MAGI1: variants seen among roughly 807,000 people sequenced by gnomAD.
The protein encoded by MAGI1 is membrane associated guanylate kinase, WW and PDZ domain containing 1.
Under a neutral mutation model 139.9 loss-of-function variants are expected in MAGI1, and 58 were observed. That is an observed-to-expected ratio of 0.41 (90% CI 0.34 to 0.52). The LOEUF is 0.52. MAGI1 is among the 20% of genes least tolerant of loss of function. The pLI is 0.12. For synonymous variants in MAGI1, 812 were observed against 737.9 expected (o/e 1.10, Z -1.63); for missense variants, 1,874 against 1,901.6 (o/e 0.99, Z 0.27).
chr3:65,582,779 T>TAA (rs1357471423), intron 2 of MAGI1, among the ~76,000 whole-genome samples: 2 of 152,120 alleles, frequency 1.3e-5, no homozygotes, highest in African/African-American at 2.4e-5. Flanking sequence ...CCATGACTGT[T>TAA]AAAGGTTTTG....
At chr3:65,741,486 T>TA (rs1164800891) in intron 1 of MAGI1, among the ~76,000 whole-genome samples, 1 of 152,230 alleles carries the variant, frequency 6.6e-6, no homozygotes, top group African/African-American at 2.4e-5. Flanking sequence ...TTGCTTTATT[T>TA]ATTAAGCTAC....
intron 1 of MAGI1, among the ~76,000 whole-genome samples, chr3:66,006,828 TTTG>T (rs1271066882): frequency 4.0e-5 from 6 of 150,854 alleles, no homozygotes; most frequent in Non-Finnish European, 7.4e-5. Context: ...TTTGTTTTGT[TTTG>T]TTTTGTTTTG....
chr3:65,453,122 G>A, intron 6 of MAGI1, 136 bp downstream of exon 6: 1 of 723,538 alleles, frequency 1.4e-6, no homozygotes. Context: ...GTAAACCACA[G>A]TCCATTTAGC....
chr3:65,677,928 CCCAT>C (rs2087303527), intron 1 of MAGI1, among the ~76,000 whole-genome samples: 1 of 152,162 alleles, frequency 6.6e-6, no homozygotes, highest in Non-Finnish European at 1.5e-5. Context: ...AACCCAAATG[CCCAT>C]CAGTGATAGA....
At chr3:65,549,457 C>T (rs2079706127) in intron 2 of MAGI1, 6 of 985,284 alleles carry the variant, frequency 6.1e-6, no homozygotes, top group Non-Finnish European at 6.0e-6. Context: ...CTGCCGGAGC[C>T]CAGGCGCGCG....
At chr3:65,638,318 C>A (rs1053491812) in intron 1 of MAGI1, among the ~76,000 whole-genome samples, 2 of 152,064 alleles carry the variant, frequency 1.3e-5, no homozygotes, top group Admixed American at 6.6e-5. Context: ...TCATGAAATT[C>A]TATTCTCCAA....
intron 1 of MAGI1, among the ~76,000 whole-genome samples, chr3:66,004,793 C>T (rs910409681): frequency 6.6e-6 from 1 of 152,126 alleles, no homozygotes; most frequent in African/African-American, 2.4e-5. Flanking sequence ...CTTCGACTAT[C>T]GCAGATTTAA....
rs572896098 is a variant in MAGI1 at position 65,363,538 on chromosome 3, C to T, written c.3422G>A (p.Arg1141Gln). Residue 1141 changes from arginine (R) to glutamine (Q), a missense_variant, in exon 21 of 23, where the codon CGA becomes CAA. By Grantham distance (43) the Arg-to-Gln change is conservative. This residue lies in a region of MAGI1 where 653 missense variants were observed against 644.5 expected (regional missense o/e 1.01). Coordinates refer to ENST00000402939, the MANE Select transcript of MAGI1 (RefSeq NM_001033057.2). ...KGFGFSLRGG[R>Q]EYNMDLYVLR... Reference sequence around the variant, plus strand: ...AACATAGAGGTCCATGTTATACTCTCGGCCTCCTCGAAGGCTAAAGCCAAA... The same window carrying T: ...AACATAGAGGTCCATGTTATACTCTTGGCCTCCTCGAAGGCTAAAGCCAAA... 17 of 1,614,150 alleles carry T rather than the reference C, an allele frequency of 1.1e-5. No individual in the cohort carries two copies. In the African/African-American group the frequency reaches 1.2e-4, roughly 11 times the overall value.
In MAGI1 at chr3:65,359,519, C is replaced by T. The variant is rs568286964; in HGVS notation, c.3634+1680G>A. On this transcript the variant is annotated intron_variant, in intron 22 of 22. Coordinates refer to ENST00000402939, the MANE Select transcript of MAGI1 (RefSeq NM_001033057.2). Reference sequence around the variant, plus strand: ...AACAAAAGAACAAAATCCCTTCCCACCCCCACCAAAGACCGCGGCAGTTAA... The same window carrying T: ...AACAAAAGAACAAAATCCCTTCCCATCCCCACCAAAGACCGCGGCAGTTAA... 67 of 1,024,080 alleles carry T rather than the reference C, an allele frequency of 6.5e-5. No individual in the cohort carries two copies. In the South Asian group the frequency reaches 2.5e-3, roughly 38 times the overall value. The allele number at this position is 1,024,080 out of a possible 1,614,324, so 63.4% of individuals were successfully genotyped here. A position where few individuals can be genotyped will look rare whatever the true frequency, so the allele number is the denominator to read the frequency against.
At chr3:65,838,430 T>C (rs2058700180) in intron 1 of MAGI1, among the ~76,000 whole-genome samples, 1 of 152,254 alleles carries the variant, frequency 6.6e-6, no homozygotes, top group African/African-American at 2.4e-5. Context: ...CAATATTATG[T>C]TTTCATCTCT....
At chr3:65,865,199 C>T (rs1347949477) in intron 1 of MAGI1, among the ~76,000 whole-genome samples, 1 of 152,112 alleles carries the variant, frequency 6.6e-6, no homozygotes, top group African/African-American at 2.4e-5. Context: ...ACATTCTCTG[C>T]CCTTTGATGG....
intron 1 of MAGI1, among the ~76,000 whole-genome samples, chr3:65,890,180 C>T (rs1049235596): frequency 3.9e-5 from 6 of 152,016 alleles, no homozygotes; most frequent in Admixed American, 6.6e-5. Context: ...CTGGCTAACA[C>T]AGTGAAACCC....
chr3:65,400,232 C>T (rs966947557), intron 13 of MAGI1, among the ~76,000 whole-genome samples: 1 of 152,154 alleles, frequency 6.6e-6, no homozygotes, highest in African/African-American at 2.4e-5. Context: ...AGGAAACCAG[C>T]CCTGAAGTCA....
At chr3:65,880,314 G>T (rs923972003) in intron 1 of MAGI1, among the ~76,000 whole-genome samples, 2 of 152,132 alleles carry the variant, frequency 1.3e-5, no homozygotes, top group African/African-American at 4.8e-5. Context: ...GATAACAGTA[G>T]TAACAGTAGT....
chr3:65,968,957 C>T (rs572245609), intron 1 of MAGI1, among the ~76,000 whole-genome samples: 152 of 152,220 alleles, frequency 1.0e-3, no homozygotes, highest in South Asian at 5.4e-3. Flanking sequence ...AGTCAGAGAG[C>T]ATATTTGTAG....
intron 1 of MAGI1, among the ~76,000 whole-genome samples, chr3:66,007,372 GA>G (rs1209378251): frequency 6.6e-6 from 1 of 152,192 alleles, no homozygotes; most frequent in Admixed American, 6.5e-5. Context: ...GTTGTAAACA[GA>G]AGAATTAGGA....
intron 1 of MAGI1, among the ~76,000 whole-genome samples, chr3:65,824,889 G>A (rs968424066): frequency 8.5e-5 from 13 of 152,132 alleles, no homozygotes; most frequent in Admixed American, 2.6e-4. Flanking sequence ...CAAAGCATCT[G>A]TGGGAATATT....
chr3:65,502,025 A>T (rs561198874), intron 2 of MAGI1, among the ~76,000 whole-genome samples: 79 of 152,340 alleles, frequency 5.2e-4, no homozygotes, highest in African/African-American at 1.8e-3. Context: ...CCAGCTATGT[A>T]GGGTGGGAGC....
chr3:65,570,293 G>T (rs1201050892), intron 2 of MAGI1, among the ~76,000 whole-genome samples: 1 of 151,532 alleles, frequency 6.6e-6, no homozygotes, highest in Non-Finnish European at 1.5e-5. Context: ...GTAGAGACAG[G>T]GTTTCAACAT....
Sources: allele counts gnomAD v4.1 joint callset (sites outside exome capture counted in the v4.1 genomes callset), GRCh38; gene constraint gnomAD v4.1.1; regional missense constraint gnomAD v4.1.1; transcripts MANE v1.5; gene names NCBI Gene and HGNC (gene_info 2026-07-23, HGNC 2026-07-21).